KCNN2: variants seen among roughly 807,000 people sequenced by gnomAD.
KCNN2 encodes the protein potassium calcium-activated channel subfamily N member 2.
A neutral mutation model predicts 55.5 loss-of-function variants in KCNN2; 24 were observed. The ratio of observed to expected loss-of-function variants is 0.43; its 90% CI spans 0.31 to 0.61. The LOEUF (loss-of-function observed/expected upper bound fraction) is 0.61. KCNN2 is among the 20% of genes least tolerant of loss of function. The probability of loss-of-function intolerance (pLI) is 0.08; values close to 1 mark genes in which losing one functional copy is unlikely to be tolerated. For missense variants in KCNN2, 754 were observed against 853.6 expected (o/e 0.88, Z 1.45); for synonymous variants, 431 against 336.1 (o/e 1.28, Z -3.09).
intron 1 of KCNN2, among the ~76,000 whole-genome samples, chr5:114,067,880 G>C (rs778699867): frequency 1.3e-5 from 2 of 152,108 alleles, no homozygotes; most frequent in Non-Finnish European, 2.9e-5. Context: ...TACATATATA[G>C]AGTTTTACCC....
intron 2 of KCNN2, among the ~76,000 whole-genome samples, chr5:114,390,500 C>T (rs1758421508): frequency 6.6e-6 from 1 of 152,128 alleles, no homozygotes; most frequent in Non-Finnish European, 1.5e-5. Context: ...CAGATTTTGA[C>T]ACAGTGCTGA....
At chr5:114,361,833 T>A (rs1757429937), upstream of KCNN2, 1 of 152,844 alleles carries the variant, frequency 6.5e-6, no homozygotes, top group South Asian at 2.1e-4. Context: ...GCGGAATCCC[T>A]GCCCTGGAGC....
chr5:114,378,476 A>G (rs1758008829), intron 2 of KCNN2, among the ~76,000 whole-genome samples: 1 of 152,200 alleles, frequency 6.6e-6, no homozygotes, highest in Admixed American at 6.5e-5. Flanking sequence ...GCAGAGATTC[A>G]GGTAGATGCC....
At chr5:114,188,725 C>T (rs796163944) in intron 1 of KCNN2, among the ~76,000 whole-genome samples, 12 of 110,180 alleles carry the variant, frequency 1.1e-4, no homozygotes, top group African/African-American at 3.3e-4. Flanking sequence ...AGTGCCAAAA[C>T]TATAAATTGG....
intron 1 of KCNN2, among the ~76,000 whole-genome samples, chr5:114,191,115 C>A (rs1264688536): frequency 6.6e-6 from 1 of 152,098 alleles, no homozygotes; most frequent in African/African-American, 2.4e-5. Flanking sequence ...ACTTAGAATA[C>A]CGGCCACACT....
intron 5 of KCNN2, among the ~76,000 whole-genome samples, chr5:114,485,708 A>C (rs1193045350): frequency 6.6e-6 from 1 of 152,170 alleles, no homozygotes; most frequent in Non-Finnish European, 1.5e-5. Flanking sequence ...AGATATCCAA[A>C]GGCAGTGCAT....
chr5:114,314,274 T>C (rs1013598500), intron 2 of KCNN2, among the ~76,000 whole-genome samples: 3 of 152,154 alleles, frequency 2.0e-5, no homozygotes, highest in Non-Finnish European at 4.4e-5. Context: ...ATTAACACCT[T>C]GCACTGGTGT....
upstream of KCNN2, among the ~76,000 whole-genome samples, chr5:114,358,413 A>C (rs1225949864): frequency 6.6e-6 from 1 of 152,162 alleles, no homozygotes; most frequent in African/African-American, 2.4e-5. Flanking sequence ...CTTGAAATTC[A>C]ACAAACATGG....
chr5:114,154,215 C>G (rs1021833100), intron 1 of KCNN2, among the ~76,000 whole-genome samples: 2 of 152,028 alleles, frequency 1.3e-5, no homozygotes, highest in African/African-American at 4.8e-5. Context: ...AGAGACTGAA[C>G]AGTGAGAATA....
At chr5:114,448,758 C>T (rs1760522437) in intron 3 of KCNN2, among the ~76,000 whole-genome samples, 1 of 152,176 alleles carries the variant, frequency 6.6e-6, no homozygotes, top group African/African-American at 2.4e-5. Context: ...GTGCTGGAGG[C>T]TAAGACTTCT....
At chr5:114,157,249 T>G (rs1360245052) in intron 1 of KCNN2, among the ~76,000 whole-genome samples, 2 of 150,582 alleles carry the variant, frequency 1.3e-5, no homozygotes, top group East Asian at 4.0e-4. Context: ...AGTGAGAACA[T>G]GCGGTGTTTG....
At chr5:114,397,435 G>T (rs1426206755) in intron 2 of KCNN2, among the ~76,000 whole-genome samples, 1 of 152,138 alleles carries the variant, frequency 6.6e-6, no homozygotes, top group East Asian at 1.9e-4. Flanking sequence ...TGCCCAGGCT[G>T]GAGTGCAATG....
chr5:114,151,035 AAAC>A (rs1446973291), intron 1 of KCNN2, among the ~76,000 whole-genome samples: 9 of 152,074 alleles, frequency 5.9e-5, no homozygotes, highest in Non-Finnish European at 5.9e-5. Context: ...ACAAACAAAC[AAAC>A]AACAACAAAA....
intron 2 of KCNN2, among the ~76,000 whole-genome samples, chr5:114,400,993 T>C (rs1007714973): frequency 1.4e-4 from 21 of 151,922 alleles, no homozygotes; most frequent in African/African-American, 3.1e-4. Context: ...TTCTTTCTTT[T>C]TTTTTTTTCC....
At chr5:114,478,448 G>A (rs954502722) in intron 5 of KCNN2, among the ~76,000 whole-genome samples, 5 of 151,876 alleles carry the variant, frequency 3.3e-5, no homozygotes, top group African/African-American at 1.2e-4. Flanking sequence ...GAGATGGGGA[G>A]TATGGTACTA....
chr5:114,378,835 G>GAAGAA (rs1758018164), intron 2 of KCNN2, among the ~76,000 whole-genome samples: 1 of 152,050 alleles, frequency 6.6e-6, no homozygotes, highest in Non-Finnish European at 1.5e-5. Context: ...TTTATGTTGT[G>GAAGAA]AAGAAAGTAT....
chr5:114,416,613 ATGTT>A (rs1759315121), intron 3 of KCNN2, among the ~76,000 whole-genome samples: 1 of 152,146 alleles, frequency 6.6e-6, no homozygotes, highest in Non-Finnish European at 1.5e-5. Flanking sequence ...GGAGCAAAAG[ATGTT>A]TGAGTGACTA....
At chr5:114,179,220 G>C (rs1227951708) in intron 1 of KCNN2, among the ~76,000 whole-genome samples, 3 of 152,152 alleles carry the variant, frequency 2.0e-5, no homozygotes, top group Non-Finnish European at 4.4e-5. Context: ...TTAAGCTGTA[G>C]GCTGGAGCTG....
At chr5:114,407,507 C>G (rs1199288934) in intron 3 of KCNN2, among the ~76,000 whole-genome samples, 3 of 151,810 alleles carry the variant, frequency 2.0e-5, no homozygotes, top group African/African-American at 4.8e-5. Context: ...AAATTTTTCT[C>G]TTTGCATTTT....
Sources: allele counts gnomAD v4.1 joint callset (sites outside exome capture counted in the v4.1 genomes callset), GRCh38; gene constraint gnomAD v4.1.1; transcripts MANE v1.5; gene names NCBI Gene and HGNC (gene_info 2026-07-23, HGNC 2026-07-21).